MCUB: variants seen among roughly 807,000 people sequenced by gnomAD.
MCUB encodes mitochondrial calcium uniporter dominant negative subunit beta.
A neutral mutation model predicts 41.4 loss-of-function variants in MCUB; 46 were observed. The ratio of observed to expected loss-of-function variants is 1.11; its 90% CI spans 0.88 to 1.42. The LOEUF (loss-of-function observed/expected upper bound fraction) is 1.42, where lower values mean the gene tolerates loss of function less well. Ranked by LOEUF, MCUB falls within the 40% of genes most tolerant of loss-of-function variation. The probability of loss-of-function intolerance (pLI) is 0.00; values close to 1 mark genes in which losing one functional copy is unlikely to be tolerated. For missense variants in MCUB, 403 were observed against 404.9 expected (o/e 1.00, Z 0.04); for synonymous variants, 148 against 148.2 (o/e 1.00, Z 0.01).
chr4:109,655,281 C>T (rs1421651881), intron 1 of MCUB, among the ~76,000 whole-genome samples: 3 of 152,080 alleles, frequency 2.0e-5, no homozygotes, highest in African/African-American at 7.2e-5. Context: ...ATTATGTCAC[C>T]CTCCCAACAC....
rs1245305632 is a variant in MCUB, at chr4:109,597,059, A to C, written c.99+36623A>C. Among the ~76,000 whole-genome samples the C allele has an allele frequency of 1.3e-4, 20 of 151,756 alleles. No homozygotes were observed. The South Asian group carries it at 2.1e-3, about 16-fold the overall frequency. ...AGCACAGGGTTGGGGGTAAGGTCAC[A>C]GATCAACAGGATCCCAAGGCAGAAG... On this transcript the variant is annotated intron_variant, in intron 1 of 7. Coordinates refer to ENST00000394650, the MANE Select transcript of MCUB (RefSeq NM_017918.5).
intron 1 of MCUB, among the ~76,000 whole-genome samples, chr4:109,622,812 T>C (rs1279959387): frequency 6.6e-6 from 1 of 152,204 alleles, no homozygotes; most frequent in African/African-American, 2.4e-5. Flanking sequence ...AATTTTGATC[T>C]GTTCCTGGGT....
intron 1 of MCUB, among the ~76,000 whole-genome samples, chr4:109,643,073 G>A (rs1224255468): frequency 6.6e-6 from 1 of 150,802 alleles, no homozygotes; most frequent in African/African-American, 2.4e-5. Context: ...GATTACAGAC[G>A]TGAGCCACCG....
At position 109,628,641 on chromosome 4, in the gene MCUB, GA is replaced by G. The variant is rs1469660136; in HGVS notation, c.100-30367del. ...GCTGAGGGATTGTATGTTTGAAAGA[GA>G]AAGCCTGGTTTTTGGCTTGAGCAGC... On this transcript the variant is annotated intron_variant, in intron 1 of 7. Coordinates refer to ENST00000394650, the MANE Select transcript of MCUB (RefSeq NM_017918.5). Among the ~76,000 whole-genome samples, 59 of 152,226 alleles carry G rather than the reference GA, an allele frequency of 3.9e-4. 2 individuals are homozygous for G. Among genetic ancestry groups the G allele is most frequent in the Admixed American group, 3.9e-3 (59 of 15,286 alleles).
At chr4:109,561,173 T>C (rs1005602092) in intron 1 of MCUB, among the ~76,000 whole-genome samples, 1 of 151,938 alleles carries the variant, frequency 6.6e-6, no homozygotes, top group African/African-American at 2.4e-5. Flanking sequence ...AGCCCGGGAG[T>C]GCAAACTCTG....
chr4:109,660,229 G>T lies in MCUB; in HGVS notation c.210G>T (p.Leu70Phe). ...TTATTTATAGACATGGCCTTCCCTTGGTAACACTTACCTTGCCATCTAGAA... is the reference window on the plus strand; with the variant it reads ...TTATTTATAGACATGGCCTTCCCTTTGTAACACTTACCTTGCCATCTAGAA... ...ITVIYRHGLP[L>F]VTLTLPSRKE... The change falls in exon 3 of 8, where the codon TTG becomes TTT. Residue 70 changes from leucine to phenylalanine, a missense_variant. Coordinates refer to ENST00000394650, the MANE Select transcript of MCUB (RefSeq NM_017918.5). 2 of 1,591,416 alleles carry T rather than the reference G, an allele frequency of 1.3e-6. No homozygotes were observed. Among genetic ancestry groups the T allele is most frequent in the Non-Finnish European group, 1.7e-6 (2 of 1,163,046 alleles).
intron 1 of MCUB, among the ~76,000 whole-genome samples, chr4:109,579,213 TC>T (rs1727108044): frequency 6.6e-6 from 1 of 152,096 alleles, no homozygotes; most frequent in African/African-American, 2.4e-5. Context: ...TTCTTTTTCC[TC>T]CATAGCATAT....
At chr4:109,613,690 GC>G (rs1728067678) in intron 1 of MCUB, among the ~76,000 whole-genome samples, 2 of 152,098 alleles carry the variant, frequency 1.3e-5, no homozygotes, top group African/African-American at 4.8e-5. Flanking sequence ...ACTGGGTCCT[GC>G]CCACATTCAA....
At chr4:109,633,962 AT>A (rs1728532680) in intron 1 of MCUB, among the ~76,000 whole-genome samples, 1 of 128,524 alleles carries the variant, frequency 7.8e-6, no homozygotes, top group Non-Finnish European at 1.6e-5. Context: ...TCTTTTTATT[AT>A]CACGCTGTAC....
At chr4:109,595,551 A>G (rs184519328) in intron 1 of MCUB, among the ~76,000 whole-genome samples, 14 of 152,412 alleles carry the variant, frequency 9.2e-5, no homozygotes, top group African/African-American at 3.4e-4. Context: ...TCCAATGATT[A>G]TTTAAATTTA....
intron 1 of MCUB, among the ~76,000 whole-genome samples, chr4:109,609,396 C>T (rs183924286): frequency 3.1e-4 from 47 of 152,250 alleles, no homozygotes; most frequent in African/African-American, 1.1e-3. Context: ...ATTGCTATGG[C>T]ATTTGTAAAC....
chr4:109,684,356 C>A (rs1454389931), intron 5 of MCUB, 87 bp from the exon 6 acceptor site: 6 of 1,104,940 alleles, frequency 5.4e-6, no homozygotes, highest in Non-Finnish European at 7.7e-6. Flanking sequence ...GCCACCGCGC[C>A]CGGCAAGAGT....
intron 1 of MCUB, among the ~76,000 whole-genome samples, chr4:109,649,751 T>A (rs200850380): frequency 2.0e-5 from 3 of 151,268 alleles, no homozygotes; most frequent in Non-Finnish European, 4.4e-5. Flanking sequence ...TATGATTTTT[T>A]AAAATAGAAA....
chr4:109,687,248 ACT>A (rs1447461190), intron 7 of MCUB, among the ~76,000 whole-genome samples: 2 of 152,054 alleles, frequency 1.3e-5, no homozygotes, highest in African/African-American at 4.8e-5. Context: ...GGTCCTAGCT[ACT>A]TGGGAGGCTG....
chr4:109,602,715 T>A (rs1203421050), intron 1 of MCUB, among the ~76,000 whole-genome samples: 1 of 152,264 alleles, frequency 6.6e-6, no homozygotes, highest in Non-Finnish European at 1.5e-5. Flanking sequence ...ATATAAATTT[T>A]AGGATTTGTT....
At chr4:109,649,236 G>A (rs1728907029) in intron 1 of MCUB, among the ~76,000 whole-genome samples, 2 of 152,064 alleles carry the variant, frequency 1.3e-5, no homozygotes, top group African/African-American at 4.8e-5. Context: ...ACCTTATTCT[G>A]TGCATTCTGT....
intron 1 of MCUB, among the ~76,000 whole-genome samples, chr4:109,657,071 T>G (rs1729120512): frequency 6.6e-6 from 1 of 152,042 alleles, no homozygotes; most frequent in African/African-American, 2.4e-5. Flanking sequence ...TACAAAAAAT[T>G]AGCCAGGCAT....
At chr4:109,608,556 T>C (rs1727931336) in intron 1 of MCUB, among the ~76,000 whole-genome samples, 1 of 152,078 alleles carries the variant, frequency 6.6e-6, no homozygotes, top group African/African-American at 2.4e-5. Context: ...GGTGCAGTCA[T>C]GGCTCACTGC....
chr4:109,660,370 A>G lies in MCUB; in HGVS notation c.346+5A>G. On this transcript the variant is annotated splice_donor_5th_base_variant and intron_variant, in intron 3 of 7. Coordinates refer to ENST00000394650, the MANE Select transcript of MCUB (RefSeq NM_017918.5). ...CTGCAGCCATCTTCACAGCAGGTAT[A>G]TATGTATATAATTTTACAACTTTGT... The G allele has an allele frequency of 6.4e-7, 1 of 1,553,120 alleles. No individual in the cohort carries two copies. Among genetic ancestry groups the G allele is most frequent in the South Asian group, 1.2e-5 (1 of 86,308 alleles).
Sources: allele counts gnomAD v4.1 joint callset (sites outside exome capture counted in the v4.1 genomes callset), GRCh38; gene constraint gnomAD v4.1.1; transcripts MANE v1.5; gene names NCBI Gene and HGNC (gene_info 2026-07-23, HGNC 2026-07-21).